The following NLRP13 variants were observed in gnomAD, a reference collection of about 807,000 sequenced individuals.
NLRP13 encodes the protein NACHT, LRR and PYD domains-containing protein 13.
A neutral mutation model predicts 94.4 loss-of-function variants in NLRP13; 82 were observed. The observed-to-expected ratio is 0.87, with a 90% CI of 0.73 to 1.04. The LOEUF is 1.04. Among genes scored for constraint, NLRP13 ranks in the 50% least tolerant of loss-of-function variants. The probability of loss-of-function intolerance (pLI) is 0.00; values close to 1 mark genes in which losing one functional copy is unlikely to be tolerated. For synonymous variants in NLRP13, 553 were observed against 464.7 expected (o/e 1.19, Z -2.45); for missense variants, 1,426 against 1,230.8 (o/e 1.16, Z -2.37).
chr19:55,932,322 A>G lies in NLRP13; in HGVS notation c.-11T>C. 6.3e-7 allele frequency: 1 copy of G among 1,595,830 alleles called. No individual in the cohort carries two copies. The highest frequency in any genetic ancestry group is 8.5e-7 in the Non-Finnish European group (1 of 1,175,722). The stretch of plus-strand genomic sequence containing the variant: ...TACAGAAAAGTTCATCTTGCCCAAC[A>G]CATGCAGTTTCTCACTTCAGCAAAG... On this transcript the variant is annotated 5_prime_UTR_variant, in exon 1 of 11. Transcript: ENST00000342929.
At position 55,902,625 on chromosome 19, in the gene NLRP13, G is replaced by T. The variant is rs1433012924; in HGVS notation, c.2619-420C>A. Among the ~76,000 whole-genome samples, 14 of 152,254 alleles carry T rather than the reference G, an allele frequency of 9.2e-5. No homozygotes were observed. The East Asian group carries it at 2.5e-3, about 27-fold the overall frequency. On this transcript the variant is annotated intron_variant, in intron 8 of 10. Coordinates refer to ENST00000342929, the MANE Select transcript of NLRP13 (RefSeq NM_176810.2). ...CAGTAGGATGGTCTGGCAGAGAGCT[G>T]CCAGTGAGCCCACGAGCAGTGCATG...
chr19:55,892,578 C>A (rs1019297085), downstream of NLRP13, among the ~76,000 whole-genome samples: 1 of 152,036 alleles, frequency 6.6e-6, no homozygotes, highest in Non-Finnish European at 1.5e-5. Flanking sequence ...CACACCACCA[C>A]GCCGGCTAAT....
Position 55,924,582 on chromosome 19 carries a change from G to A in NLRP13, c.457+8C>T, listed in dbSNP as rs752724114. The A allele has an allele frequency of 1.1e-5, 17 of 1,607,106 alleles. No individual in the cohort carries two copies. The South Asian group carries it at 1.6e-4, about 16-fold the overall frequency. On this transcript the variant is annotated splice_region_variant and intron_variant, in intron 3 of 10. Coordinates refer to ENST00000342929, the MANE Select transcript of NLRP13 (RefSeq NM_176810.2). Reference sequence around the variant, plus strand: ...ACCTGTCAATTATCAACCAAGTAATGTACACACCTGTTTCTTCTTCTAGCT... The same window carrying A: ...ACCTGTCAATTATCAACCAAGTAATATACACACCTGTTTCTTCTTCTAGCT...
At chr19:55,925,071 C>A (rs776312853) in intron 1 of NLRP13, 36 bp from the exon 2 acceptor site, 24 of 1,588,926 alleles carry the variant, frequency 1.5e-5, no homozygotes, top group Non-Finnish European at 2.0e-5. Context: ...ATGAGAATAC[C>A]CAGACTGAAA....
intron 7 of NLRP13, among the ~76,000 whole-genome samples, chr19:55,905,590 T>C (rs1417951776): frequency 2.0e-5 from 3 of 151,024 alleles, no homozygotes; most frequent in Non-Finnish European, 4.4e-5. Context: ...GAGGCAGAGG[T>C]TGTGGTGAGC....
chr19:55,899,735 G>A (rs937653188), intron 9 of NLRP13, among the ~76,000 whole-genome samples: 9 of 152,034 alleles, frequency 5.9e-5, no homozygotes, highest in East Asian at 3.9e-4. Context: ...AGCCGAGATT[G>A]CACCATTGTA....
At chr19:55,903,788 C>T (rs1476310605) in intron 8 of NLRP13, among the ~76,000 whole-genome samples, 1 of 152,116 alleles carries the variant, frequency 6.6e-6, no homozygotes, top group African/African-American at 2.4e-5. Flanking sequence ...TCCGATCTAT[C>T]CTGAAATCCT....
intron 1 of NLRP13, among the ~76,000 whole-genome samples, chr19:55,928,000 T>C (rs529634634): frequency 3.3e-5 from 5 of 152,276 alleles, no homozygotes; most frequent in East Asian, 1.9e-4. Flanking sequence ...GAAATACTCA[T>C]GGTACAGTTT....
chr19:55,930,901 A>ATTTTTTT (rs55976723), intron 1 of NLRP13, among the ~76,000 whole-genome samples: 4,401 of 98,200 alleles, frequency 0.045, 282 homozygotes, highest in East Asian at 0.26. Flanking sequence ...TATATATAAA[A>ATTTTTTT]TTTTAACCAG....
Position 55,908,476 on chromosome 19 carries a change from G to A in NLRP13, c.2283-520C>T, listed in dbSNP as rs145850021. Among the ~76,000 whole-genome samples the A allele has an allele frequency of 2.3e-3, 347 of 152,276 alleles. 2 individuals carry two copies. The highest frequency in any genetic ancestry group is 7.8e-3 in the African/African-American group (325 of 41,538). The stretch of plus-strand genomic sequence containing the variant: ...ATTATAAAGACATATGCACACGTAC[G>A]TTCATTGCAGCACTATTCACAATAG... On this transcript the variant is annotated intron_variant, in intron 6 of 10. Coordinates refer to ENST00000342929, the MANE Select transcript of NLRP13 (RefSeq NM_176810.2).
Position 55,912,412 on chromosome 19 carries a change from C to A in NLRP13, c.1405G>T (p.Val469Leu). ...FFSNLFSTAE[V>L]DLADDSWPGQ... ...GGCCAGCTGTCATCTGCCAAATCTACCTCTGCTGTGGAGAACAAGTTGGAG... is the reference window on the plus strand; with the variant it reads ...GGCCAGCTGTCATCTGCCAAATCTAACTCTGCTGTGGAGAACAAGTTGGAG... The change falls in exon 5 of 11, where the codon GTA becomes TTA. Residue 469 changes from valine (V) to leucine (L), a missense_variant. Transcript: ENST00000342929. 6.2e-7 allele frequency: 1 copy of A among 1,614,132 alleles called. No homozygotes were observed. The highest frequency in any genetic ancestry group is 8.5e-7 in the Non-Finnish European group (1 of 1,180,022).
intron 5 of NLRP13, among the ~76,000 whole-genome samples, chr19:55,911,355 C>A (rs1986504432): frequency 6.6e-6 from 1 of 152,214 alleles, no homozygotes; most frequent in Admixed American, 6.5e-5. Flanking sequence ...CCGCAGCCCC[C>A]CAGTAGCTGG....
intron 6 of NLRP13, 107 bp downstream of exon 6, chr19:55,910,456 A>G: frequency 9.4e-7 from 1 of 1,060,026 alleles, no homozygotes; most frequent in Non-Finnish European, 1.3e-6. Context: ...TATCCTCCTG[A>G]GCACGTAGCT....
At chr19:55,906,637 C>G (rs1179456306) in intron 7 of NLRP13, among the ~76,000 whole-genome samples, 2 of 152,082 alleles carry the variant, frequency 1.3e-5, no homozygotes, top group Non-Finnish European at 2.9e-5. Context: ...GACTTGTGTT[C>G]TCAGTGAGTT....
At position 55,899,440 on chromosome 19, in the gene NLRP13, CAGG is replaced by C. The variant is rs1354297889; in HGVS notation, c.2790-506_2790-504del. On this transcript the variant is annotated intron_variant, in intron 9 of 10. Coordinates refer to ENST00000342929, the MANE Select transcript of NLRP13 (RefSeq NM_176810.2). ...GAGGAGAGGAAAGACAAGGAAGCGA[CAGG>C]AGGAGAAAGAGTCATCCAAAATCCT... 5.9e-5 allele frequency among the ~76,000 whole-genome samples: 9 copies of C among 152,144 alleles called. No individual in the cohort carries two copies. In the East Asian group the frequency reaches 1.2e-3, roughly 20 times the overall value.
intron 1 of NLRP13, among the ~76,000 whole-genome samples, chr19:55,930,473 G>T (rs549811488): frequency 6.6e-6 from 1 of 151,830 alleles, no homozygotes; most frequent in Non-Finnish European, 1.5e-5. Flanking sequence ...ATCACCTGAG[G>T]TCAGAAGTTT....
chr19:55,899,797 G>A (rs118083560), intron 9 of NLRP13, among the ~76,000 whole-genome samples: 2,267 of 152,120 alleles, frequency 0.015, 28 homozygotes, highest in Middle Eastern at 0.037. Flanking sequence ...TTTTGACTAC[G>A]TGAAGAACGT....
chr19:55,896,105 T>A lies in NLRP13; in HGVS notation c.2972A>T (p.Asn991Ile). ...ALHTLGLAKCNLTTACCQHLF... is the reference protein window; with the variant it reads ...ALHTLGLAKCILTTACCQHLF... ...ATGCTGGCAGCAAGCAGTTGTCAGATTGCATTTCGCCAACCTAGGGGCGGG... is the reference window on the plus strand; with the variant it reads ...ATGCTGGCAGCAAGCAGTTGTCAGAATGCATTTCGCCAACCTAGGGGCGGG... The change falls in exon 11 of 11, where the codon AAT becomes ATT. Residue 991 changes from asparagine to isoleucine, a missense_variant. Asn to Ile is a moderately radical substitution (Grantham distance 149). Transcript: ENST00000342929. The A allele has an allele frequency of 6.2e-7, 1 of 1,614,074 alleles. No individual in the cohort carries two copies. Among genetic ancestry groups the A allele is most frequent in the African/African-American group, 1.3e-5 (1 of 75,044 alleles).
chr19:55,898,199 T>A (rs1986064158), intron 10 of NLRP13, among the ~76,000 whole-genome samples: 1 of 54,352 alleles, frequency 1.8e-5, no homozygotes, highest in South Asian at 1.2e-3. Context: ...GGAGAGTTTT[T>A]GTTTTTGTTT....
Sources: gnomAD v4.1 joint callset for allele counts (sites outside exome capture counted in the v4.1 genomes callset) on GRCh38, gnomAD v4.1.1 for gene constraint, MANE v1.5 for transcripts, NCBI Gene and HGNC (gene_info 2026-07-23, HGNC 2026-07-21) for gene names.